IGF2BP2: variants seen among roughly 807,000 people sequenced by gnomAD.
IGF2BP2 encodes the protein insulin-like growth factor 2 mRNA-binding protein 2.
A neutral mutation model predicts 75.8 loss-of-function variants in IGF2BP2; 17 were observed. The observed-to-expected ratio is 0.22, with a 90% confidence interval of 0.15 to 0.34. IGF2BP2 has a LOEUF of 0.34. Ranked by LOEUF, IGF2BP2 falls within the 10% of genes least tolerant of loss-of-function variation. The pLI is 1.00. For missense variants in IGF2BP2, 516 were observed against 772.4 expected (o/e 0.67, Z 3.93); for synonymous variants, 288 against 295.6 (o/e 0.97, Z 0.26).
At chr3:185,678,092 C>A (rs577480912) in intron 7 of IGF2BP2, among the ~76,000 whole-genome samples, 2 of 152,158 alleles carry the variant, frequency 1.3e-5, no homozygotes, top group East Asian at 3.9e-4. Context: ...AATGTACATA[C>A]AAATCAAAAA....
intron 2 of IGF2BP2, among the ~76,000 whole-genome samples, chr3:185,772,484 C>T (rs950014559): frequency 2.0e-5 from 3 of 151,830 alleles, no homozygotes; most frequent in African/African-American, 7.3e-5. Context: ...TTCAGTACTA[C>T]AACGGCTGTA....
intron 2 of IGF2BP2, among the ~76,000 whole-genome samples, chr3:185,714,175 CCAAACA>C (rs2149431985): frequency 6.6e-6 from 1 of 150,836 alleles, no homozygotes; most frequent in Admixed American, 6.6e-5. Context: ...TTTTTTTTAC[CCAAACA>C]CAAACATTAA....
chr3:185,652,020 A>G (rs1400767054), intron 13 of IGF2BP2, 74 bp downstream of exon 13: 5 of 1,168,270 alleles, frequency 4.3e-6, no homozygotes, highest in African/African-American at 1.5e-5. Context: ...TCCAAAGAAG[A>G]GCCTTGAATG....
chr3:185,805,093 G>A (rs750721819), intron 2 of IGF2BP2, among the ~76,000 whole-genome samples: 9 of 151,894 alleles, frequency 5.9e-5, no homozygotes, highest in Admixed American at 2.6e-4. Flanking sequence ...TCCACTTTAC[G>A]TAGATCCTAG....
At chr3:185,823,854 T>G (rs1560528837) in intron 1 of IGF2BP2, among the ~76,000 whole-genome samples, 1 of 149,364 alleles carries the variant, frequency 6.7e-6, no homozygotes, top group Non-Finnish European at 1.5e-5. Context: ...AGTTGGGGAG[T>G]GCGCGCGCGC....
At chr3:185,774,318 G>A (rs931475175) in intron 2 of IGF2BP2, among the ~76,000 whole-genome samples, 2 of 152,140 alleles carry the variant, frequency 1.3e-5, no homozygotes, top group South Asian at 2.1e-4. Context: ...AAAACAGGCC[G>A]GGCATGGTGG....
In IGF2BP2 at chr3:185,647,185, C is replaced by T; in HGVS notation, c.1594-47G>A. On this transcript the variant is annotated intron_variant, in intron 14 of 15. Transcript: ENST00000382199. This position sits in a 1 kb window ranked among gnomAD's most constrained non-coding sequence, Gnocchi z 4.9. Reference sequence around the variant, plus strand: ...CGGGTTGGATAGGTTCCCTCCCCGTCAACGTGGTGGGCTCAGGACGGAGTG... The same window carrying T: ...CGGGTTGGATAGGTTCCCTCCCCGTTAACGTGGTGGGCTCAGGACGGAGTG... 1 of 1,355,624 alleles carries T rather than the reference C, an allele frequency of 7.4e-7. No individual in the cohort carries two copies. The highest frequency in any genetic ancestry group is 1.1e-6 in the Non-Finnish European group (1 of 944,254). The allele number at this position is 1,355,624 out of a possible 1,614,324, so 84.0% of individuals were successfully genotyped here. A position where few individuals can be genotyped will look rare whatever the true frequency, so the allele number is the denominator to read the frequency against.
chr3:185,801,041 G>A (rs987852161), intron 2 of IGF2BP2, among the ~76,000 whole-genome samples: 7 of 152,084 alleles, frequency 4.6e-5, no homozygotes, highest in Admixed American at 1.3e-4. Context: ...ATAAAAGAGT[G>A]GGTGAAGGAT....
chr3:185,710,004 T>TGTTA (rs1724572531), intron 2 of IGF2BP2, among the ~76,000 whole-genome samples: 1 of 152,230 alleles, frequency 6.6e-6, no homozygotes, highest in Non-Finnish European at 1.5e-5. Context: ...TAAGCACTTA[T>TGTTA]GTTAGGTGTT....
At chr3:185,768,649 C>G (rs1280433277) in intron 2 of IGF2BP2, among the ~76,000 whole-genome samples, 1 of 152,180 alleles carries the variant, frequency 6.6e-6, no homozygotes, top group African/African-American at 2.4e-5. Flanking sequence ...AGATTCAGAT[C>G]ATGTGACTAG....
At chr3:185,807,828 TTAG>T (rs1739223658) in intron 2 of IGF2BP2, among the ~76,000 whole-genome samples, 1 of 152,158 alleles carries the variant, frequency 6.6e-6, no homozygotes, top group Non-Finnish European at 1.5e-5. Context: ...ATGAGTAAGC[TTAG>T]TAGCCAACCT....
intron 2 of IGF2BP2, chr3:185,713,515 G>A (rs1248822453): frequency 3.8e-6 from 2 of 519,620 alleles, no homozygotes; most frequent in South Asian, 1.4e-5. Flanking sequence ...CCAAAGGCAG[G>A]GGTTTGAGGG....
intron 11 of IGF2BP2, 50 bp downstream of exon 11, chr3:185,658,291 C>A: frequency 6.5e-7 from 1 of 1,547,866 alleles, no homozygotes; most frequent in Non-Finnish European, 8.9e-7. Flanking sequence ...GCCAAGTGGG[C>A]CTAGCCCCAG....
intron 2 of IGF2BP2, chr3:185,722,316 A>G (rs1257923593): frequency 6.6e-6 from 3 of 451,598 alleles, no homozygotes; most frequent in African/African-American, 2.0e-5. Flanking sequence ...CACTGCAGAG[A>G]GATATAAGAT....
intron 12 of IGF2BP2, among the ~76,000 whole-genome samples, chr3:185,654,128 G>C (rs970414821): frequency 6.6e-6 from 1 of 152,334 alleles, no homozygotes; most frequent in East Asian, 1.9e-4. Flanking sequence ...CATGGGATCT[G>C]CAAAGAGTTC....
intron 2 of IGF2BP2, among the ~76,000 whole-genome samples, chr3:185,759,719 C>G (rs1732101285): frequency 6.6e-6 from 1 of 152,236 alleles, no homozygotes; most frequent in South Asian, 2.1e-4. Flanking sequence ...CTTCCAATCT[C>G]TCAGAAGTCG....
intron 7 of IGF2BP2, among the ~76,000 whole-genome samples, chr3:185,686,497 T>C (rs1488687523): frequency 6.6e-6 from 1 of 152,062 alleles, no homozygotes; most frequent in Non-Finnish European, 1.5e-5. Context: ...TAAGGAAATG[T>C]AATCCAATGT....
chr3:185,750,510 A>T (rs1484912677), intron 2 of IGF2BP2, among the ~76,000 whole-genome samples: 1 of 152,160 alleles, frequency 6.6e-6, no homozygotes, highest in Non-Finnish European at 1.5e-5. Context: ...AATTCATAGA[A>T]AACTCAGTAA....
intron 2 of IGF2BP2, among the ~76,000 whole-genome samples, chr3:185,791,983 G>C (rs532459919): frequency 1.3e-5 from 2 of 152,152 alleles, no homozygotes; most frequent in African/African-American, 2.4e-5. Context: ...AAAGATGGGA[G>C]GTGTAATATT....
Sources: gnomAD v4.1 joint callset for allele counts (sites outside exome capture counted in the v4.1 genomes callset) on GRCh38, gnomAD v4.1.1 for gene constraint, Gnocchi (gnomAD v3.1) non-coding constraint, MANE v1.5 for transcripts, NCBI Gene and HGNC (gene_info 2026-07-23, HGNC 2026-07-21) for gene names.